PLCXD3: variants seen among roughly 807,000 people sequenced by gnomAD.
PLCXD3 encodes phosphatidylinositol specific phospholipase C X domain containing 3.
Under a neutral mutation model 25.5 loss-of-function variants are expected in PLCXD3, and 19 were observed. That is an observed-to-expected ratio of 0.75 (90% CI 0.52 to 1.09). The LOEUF is 1.09. Among genes scored for constraint, PLCXD3 ranks in the 50% least tolerant of loss-of-function variants. The pLI is 0.00. For synonymous variants in PLCXD3, 174 were observed against 137.6 expected, an observed-to-expected ratio of 1.26 and a Z score of -1.85; for missense variants, 411 against 388.1, an observed-to-expected ratio of 1.06 and a Z score of -0.50.
At position 41,306,958 on chromosome 5, in the gene PLCXD3, G is replaced by A. The variant is rs1203429505; in HGVS notation, c.*6659C>T. 6.6e-6 allele frequency: 1 copy of A among 152,374 alleles called. No individual in the cohort carries two copies. The highest frequency in any genetic ancestry group is 1.5e-5 in the Non-Finnish European group (1 of 67,986). The allele number at this position is 152,374 out of a possible 1,614,324, so 9.4% of individuals were successfully genotyped here. On this transcript the variant is annotated 3_prime_UTR_variant, in exon 3 of 3. Transcript: ENST00000377801. ...TTAAAATAAAAAATAAAGATAATTGGTACCAGGACTTTATTAGGCATTTCA... is the reference window on the plus strand; with the variant it reads ...TTAAAATAAAAAATAAAGATAATTGATACCAGGACTTTATTAGGCATTTCA...
At chr5:41,446,198 A>AAAAAAAAAAAAAAAAAC in intron 1 of PLCXD3, among the ~76,000 whole-genome samples, 1 of 148,730 alleles carries the variant, frequency 6.7e-6, no homozygotes, top group Non-Finnish European at 1.5e-5. Context: ...AAAAAAAAAA[A>AAAAAAAAAAAAAAAAAC]AAAGAACAAC....
At chr5:41,347,741 C>T (rs2150479882) in intron 2 of PLCXD3, among the ~76,000 whole-genome samples, 1 of 152,294 alleles carries the variant, frequency 6.6e-6, no homozygotes, top group East Asian at 1.9e-4. Context: ...TCAGTCTTTC[C>T]CTACTCTTAA....
chr5:41,328,680 G>A (rs1743702657), intron 2 of PLCXD3, among the ~76,000 whole-genome samples: 1 of 152,076 alleles, frequency 6.6e-6, no homozygotes, highest in Non-Finnish European at 1.5e-5. Flanking sequence ...AGAGAAACAG[G>A]GAAGCCTACA....
chr5:41,478,343 T>C (rs538578138), intron 1 of PLCXD3, among the ~76,000 whole-genome samples: 3 of 152,328 alleles, frequency 2.0e-5, no homozygotes, highest in Admixed American at 1.3e-4. Context: ...AAGGTTTTAC[T>C]ATGGATATCA....
chr5:41,505,826 T>A (rs1749043261), intron 1 of PLCXD3, among the ~76,000 whole-genome samples: 1 of 152,354 alleles, frequency 6.6e-6, no homozygotes, highest in East Asian at 1.9e-4. Context: ...TTATCAGAAA[T>A]GTCCCTAACT....
intron 2 of PLCXD3, among the ~76,000 whole-genome samples, chr5:41,317,116 A>G (rs777691256): frequency 4.6e-5 from 7 of 152,246 alleles, no homozygotes; most frequent in Non-Finnish European, 8.8e-5. Flanking sequence ...TGGTGGCCAC[A>G]GAGGTGCTTG....
rs544489123 is a variant in PLCXD3 at position 41,474,949 on chromosome 5, C to T, written c.103+35475G>A. ...CTGTGCTTCCAGGTGTTCTGCAATCCGCATTTGCATTCTCAAAAGCTAGAG... is the reference window on the plus strand; with the variant it reads ...CTGTGCTTCCAGGTGTTCTGCAATCTGCATTTGCATTCTCAAAAGCTAGAG... On this transcript the variant is annotated intron_variant, in intron 1 of 2. Coordinates refer to ENST00000377801, the MANE Select transcript of PLCXD3 (RefSeq NM_001005473.3). Among the ~76,000 whole-genome samples the T allele has an allele frequency of 8.5e-5, 13 of 152,240 alleles. No homozygotes were observed. The South Asian group carries it at 1.2e-3, about 15-fold the overall frequency.
At chr5:41,344,016 C>T (rs563909260) in intron 2 of PLCXD3, among the ~76,000 whole-genome samples, 53 of 152,160 alleles carry the variant, frequency 3.5e-4, no homozygotes, top group Middle Eastern at 3.4e-3. Flanking sequence ...TAAATGGCAT[C>T]TATGATTCTC....
At chr5:41,447,170 A>G (rs1324110995) in intron 1 of PLCXD3, among the ~76,000 whole-genome samples, 2 of 152,164 alleles carry the variant, frequency 1.3e-5, no homozygotes, top group African/African-American at 2.4e-5. Flanking sequence ...TTCCTGATTC[A>G]TGTCTGATTA....
chr5:41,389,240 G>A (rs904120578), intron 1 of PLCXD3, among the ~76,000 whole-genome samples: 1 of 152,032 alleles, frequency 6.6e-6, no homozygotes, highest in Admixed American at 6.6e-5. Flanking sequence ...AAAAACTTCA[G>A]CCCTCAGTGC....
chr5:41,353,363 C>T (rs986557339), intron 2 of PLCXD3, among the ~76,000 whole-genome samples: 7 of 151,894 alleles, frequency 4.6e-5, no homozygotes, highest in South Asian at 2.1e-4. Flanking sequence ...GGCCTCCCAA[C>T]GTGCTGGGAT....
At chr5:41,397,106 G>T (rs986433245) in intron 1 of PLCXD3, among the ~76,000 whole-genome samples, 2 of 152,226 alleles carry the variant, frequency 1.3e-5, no homozygotes, top group Non-Finnish European at 2.9e-5. Flanking sequence ...GCAGAAATTT[G>T]CATAAGAAGA....
chr5:41,474,758 C>A (rs1019544576), intron 1 of PLCXD3, among the ~76,000 whole-genome samples: 6 of 152,304 alleles, frequency 3.9e-5, no homozygotes, highest in Middle Eastern at 3.4e-3. Flanking sequence ...CCTTCACAAT[C>A]AAAATCAACA....
chr5:41,447,861 C>G (rs540346336), intron 1 of PLCXD3, among the ~76,000 whole-genome samples: 1 of 152,316 alleles, frequency 6.6e-6, no homozygotes, highest in Admixed American at 6.5e-5. Context: ...AGGCAAAGGC[C>G]ATTAACTTGC....
At chr5:41,411,198 T>C (rs1469716688) in intron 1 of PLCXD3, among the ~76,000 whole-genome samples, 2 of 152,340 alleles carry the variant, frequency 1.3e-5, no homozygotes, top group South Asian at 2.1e-4. Context: ...CTCTGAAGCC[T>C]ATTTACCTTT....
chr5:41,501,801 CA>C (rs770397816), intron 1 of PLCXD3, among the ~76,000 whole-genome samples: 33 of 152,084 alleles, frequency 2.2e-4, no homozygotes, highest in Non-Finnish European at 3.7e-4. Flanking sequence ...GCTGAAATGT[CA>C]AATAAGATGA....
intron 2 of PLCXD3, among the ~76,000 whole-genome samples, chr5:41,316,914 C>T (rs926049837): frequency 1.3e-4 from 20 of 152,238 alleles, no homozygotes; most frequent in African/African-American, 4.6e-4. Flanking sequence ...TGGACCCACC[C>T]AGGGCTTGGG....
chr5:41,356,780 A>G (rs1231743594), intron 2 of PLCXD3, among the ~76,000 whole-genome samples: 2 of 152,160 alleles, frequency 1.3e-5, no homozygotes, highest in Non-Finnish European at 2.9e-5. Context: ...TTTCCCTTTC[A>G]TCTTTTTGCT....
At position 41,310,634 on chromosome 5, in the gene PLCXD3, T is replaced by A. The variant is rs1743111750; in HGVS notation, c.*2983A>T. 6.6e-6 allele frequency: 1 copy of A among 152,656 alleles called. No individual in the cohort carries two copies. Among genetic ancestry groups the A allele is most frequent in the Non-Finnish European group, 1.5e-5 (1 of 68,074 alleles). 9.5% of individuals were successfully genotyped at this position (152,656 alleles called of 1,614,324 possible). Reference sequence around the variant, plus strand: ...AGGCCCGCAGCCTGCTTCCCCAGTGTGCTCCAGGGCAGAACTAATGGATAG... The same window carrying A: ...AGGCCCGCAGCCTGCTTCCCCAGTGAGCTCCAGGGCAGAACTAATGGATAG... On this transcript the variant is annotated 3_prime_UTR_variant, in exon 3 of 3. Transcript: ENST00000377801.
Sources: gnomAD v4.1 joint callset for allele counts (sites outside exome capture counted in the v4.1 genomes callset) on GRCh38, gnomAD v4.1.1 for gene constraint, MANE v1.5 for transcripts, NCBI Gene and HGNC (gene_info 2026-07-23, HGNC 2026-07-21) for gene names.